Variants in TGIF1 observed in about 807,000 individuals in gnomAD.
TGIF1 encodes the protein homeobox protein TGIF1.
In TGIF1, 4 loss-of-function variants were observed where a neutral mutation model predicts 19.3. That is an observed-to-expected ratio of 0.21 (90% CI 0.10 to 0.47). TGIF1 has a LOEUF of 0.47. TGIF1 is among the 20% of genes least tolerant of loss of function. The pLI, the probability that TGIF1 is intolerant of heterozygous loss-of-function variation, is 0.98. For missense variants in TGIF1, 275 were observed against 341.4 expected (o/e 0.81, Z 1.53); for synonymous variants, 122 against 129.3 (o/e 0.94, Z 0.38).
At chr18:3,423,310 G>T (rs79156848) in intron 2 of TGIF1, among the ~76,000 whole-genome samples, 7,340 of 152,208 alleles carry the variant, frequency 0.048, 258 homozygotes, top group Non-Finnish European at 0.063. Context: ...ACTTTGGGAA[G>T]CTGTGGCAGG....
chr18:3,433,143 A>G (rs1461315962), intron 2 of TGIF1, among the ~76,000 whole-genome samples: 1 of 150,946 alleles, frequency 6.6e-6, no homozygotes, highest in African/African-American at 2.4e-5. Flanking sequence ...GAGCAATCTC[A>G]GCTCACTGCA....
chr18:3,445,756 G>T (rs1029158818), upstream of TGIF1, among the ~76,000 whole-genome samples: 1 of 22,748 alleles, frequency 4.4e-5, no homozygotes, highest in Non-Finnish European at 7.1e-5. Context: ...AAAAAAAAGA[G>T]AAGAAAAGCA....
upstream of TGIF1, chr18:3,448,228 G>C (rs1456256373): frequency 4.1e-6 from 4 of 985,216 alleles, no homozygotes; most frequent in African/African-American, 5.2e-5. Context: ...CTCAGGCCGC[G>C]GAGTCGCAGC....
chr18:3,456,560 A>G lies in TGIF1; in HGVS notation c.223A>G (p.Thr75Ala), dbSNP rs747200816. 1 of 1,614,224 alleles carries G rather than the reference A, an allele frequency of 6.2e-7. No individual in the cohort carries two copies. Reference protein sequence around the residue: ...EQEKALLSQQTHLSTLQVCNW... With the variant: ...EQEKALLSQQAHLSTLQVCNW... ...AGAAAAAGCGTTGCTGTCCCAGCAA[A>G]CACACCTGTCTACGCTACAGGTAAA... The change falls in exon 2 of 3, where the codon ACA (threonine) becomes GCA (alanine). Residue 75 changes from threonine (T) to alanine (A), a missense_variant. Transcript: ENST00000343820. This position sits in a 1 kb window ranked among gnomAD's most constrained non-coding sequence, Gnocchi z 4.2.
In TGIF1 at chr18:3,458,585, T is replaced by G; in HGVS notation, c.*645T>G. 1 of 154,428 alleles carries G rather than the reference T, an allele frequency of 6.5e-6. No homozygotes were observed. Among genetic ancestry groups the G allele is most frequent in the African/African-American group, 2.4e-5 (1 of 41,550 alleles). The allele number at this position is 154,428 out of a possible 1,614,324, so 9.6% of individuals were successfully genotyped here. On this transcript the variant is annotated 3_prime_UTR_variant, in exon 3 of 3. Coordinates refer to ENST00000343820, the MANE Select transcript of TGIF1 (RefSeq NM_003244.4). ...GTTTGCATAAACAGGATGTGTGATATTTACTCTTGATAGGAGGCATAGCAG... is the reference window on the plus strand; with the variant it reads ...GTTTGCATAAACAGGATGTGTGATAGTTACTCTTGATAGGAGGCATAGCAG...
At chr18:3,420,113 C>A (rs1394085545) in intron 2 of TGIF1, among the ~76,000 whole-genome samples, 2 of 152,134 alleles carry the variant, frequency 1.3e-5, no homozygotes, top group Admixed American at 1.3e-4. Flanking sequence ...CATGGTGGCT[C>A]AAGCCTATAA....
chr18:3,452,259 C>T (rs2082983943), intron 1 of TGIF1: 6 of 1,609,502 alleles, frequency 3.7e-6, no homozygotes, highest in Non-Finnish European at 4.2e-6. Flanking sequence ...GCCGCGTGCC[C>T]TCTCCCCGGA....
At chr18:3,426,926 T>TC (rs2143167988) in intron 2 of TGIF1, among the ~76,000 whole-genome samples, 1 of 148,710 alleles carries the variant, frequency 6.7e-6, no homozygotes, top group East Asian at 2.0e-4. Context: ...CTTTTTTTTT[T>TC]TTTTTTTTTT....
chr18:3,412,498 G>A (rs1381690567), intron 1 of TGIF1, among the ~76,000 whole-genome samples: 1 of 152,222 alleles, frequency 6.6e-6, no homozygotes, highest in Non-Finnish European at 1.5e-5. Context: ...TACCTGGGAG[G>A]TGAAGAGGAG....
At chr18:3,448,296 C>T (rs2082785590), upstream of TGIF1, 3 of 985,462 alleles carry the variant, frequency 3.0e-6, no homozygotes, top group Non-Finnish European at 3.6e-6. Flanking sequence ...TCCCGGCTCC[C>T]CAGCGGATAG....
At chr18:3,452,914 T>C (rs973147349) in intron 1 of TGIF1, among the ~76,000 whole-genome samples, 1 of 152,064 alleles carries the variant, frequency 6.6e-6, no homozygotes, top group African/African-American at 2.4e-5. Flanking sequence ...CGCCAAAAGA[T>C]CTCCTAAAAT....
chr18:3,447,687 T>C (rs921917535), upstream of TGIF1: 2 of 1,606,276 alleles, frequency 1.2e-6, no homozygotes, highest in Admixed American at 3.3e-5. Context: ...ATCACAGAAT[T>C]GTGCCAGTGT....
chr18:3,424,193 T>G (rs1017613240), intron 2 of TGIF1, among the ~76,000 whole-genome samples: 1 of 152,226 alleles, frequency 6.6e-6, no homozygotes, highest in East Asian at 1.9e-4. Context: ...ATTATGATTA[T>G]TTTATTATAA....
upstream of TGIF1, among the ~76,000 whole-genome samples, chr18:3,446,290 C>T (rs557354899): frequency 1.3e-5 from 2 of 152,130 alleles, no homozygotes; most frequent in East Asian, 3.9e-4. Context: ...TTCAAGCAAC[C>T]CTCCTGTCTC....
chr18:3,451,056 C>T lies in TGIF1; in HGVS notation c.16+551C>T, dbSNP rs1299740883. ...TGGTGTTTTTACGATCGAAGGAATGCGATTCTGGACCCCCTCATCGCCCTC... is the reference window on the plus strand; with the variant it reads ...TGGTGTTTTTACGATCGAAGGAATGTGATTCTGGACCCCCTCATCGCCCTC... On this transcript the variant is annotated intron_variant, in intron 1 of 2. Coordinates refer to ENST00000343820, the MANE Select transcript of TGIF1 (RefSeq NM_003244.4). This position sits in a 1 kb window ranked among gnomAD's most constrained non-coding sequence, Gnocchi z 5.4. Among the ~76,000 whole-genome samples the T allele has an allele frequency of 6.8e-6, 1 of 147,338 alleles. No individual in the cohort carries two copies. Among genetic ancestry groups the T allele is most frequent in the Non-Finnish European group, 1.5e-5 (1 of 67,494 alleles).
At chr18:3,445,455 T>C (rs1409460974), upstream of TGIF1, among the ~76,000 whole-genome samples, 2 of 152,054 alleles carry the variant, frequency 1.3e-5, no homozygotes, top group Non-Finnish European at 2.9e-5. Context: ...CCGGGCGTAG[T>C]GGCTCACGCC....
At chr18:3,428,117 T>G (rs1025284548) in intron 2 of TGIF1, among the ~76,000 whole-genome samples, 44 of 152,320 alleles carry the variant, frequency 2.9e-4, no homozygotes, top group African/African-American at 9.6e-4. Flanking sequence ...CTGCTAGCCC[T>G]TCACAAATCA....
chr18:3,420,997 T>C (rs1412542054), intron 2 of TGIF1, among the ~76,000 whole-genome samples: 1 of 152,160 alleles, frequency 6.6e-6, no homozygotes, highest in Non-Finnish European at 1.5e-5. Flanking sequence ...ATGTACCTCA[T>C]AACATTTTGG....
rs1335934989 is a variant in TGIF1, at chr18:3,451,314, G to A, written c.16+809G>A. 7 of 974,552 alleles carry A rather than the reference G, an allele frequency of 7.2e-6. No homozygotes were observed. Among genetic ancestry groups the A allele is most frequent in the Non-Finnish European group, 8.5e-6 (7 of 820,130 alleles). 60.4% of individuals were successfully genotyped at this position (974,552 alleles called of 1,614,324 possible). On this transcript the variant is annotated intron_variant, in intron 1 of 2. Coordinates refer to ENST00000343820, the MANE Select transcript of TGIF1 (RefSeq NM_003244.4). The surrounding 1 kb of genome is among the most constrained non-coding windows in gnomAD (Gnocchi z 5.4). ...GGAAGCTTTACAACTAAAACTTGCC[G>A]TCAGTTTGGTTTAAAAACAAAATAC...
Sources: gnomAD v4.1 joint callset for allele counts (sites outside exome capture counted in the v4.1 genomes callset) on GRCh38, gnomAD v4.1.1 for gene constraint, Gnocchi (gnomAD v3.1) non-coding constraint, MANE v1.5 for transcripts, NCBI Gene and HGNC (gene_info 2026-07-23, HGNC 2026-07-21) for gene names.